Variants in TCAIM observed in about 807,000 individuals in gnomAD.
TCAIM encodes the protein T cell activation inhibitor, mitochondrial.
TCAIM carries 36 observed loss-of-function variants against 58.6 expected under a neutral mutation model. The observed-to-expected ratio is 0.61, with a 90% CI of 0.47 to 0.81. The LOEUF (loss-of-function observed/expected upper bound fraction) is 0.81. Ranked by LOEUF, TCAIM falls within the 30% of genes least tolerant of loss-of-function variation. The pLI is 0.00. For missense variants in TCAIM, 466 were observed against 579.6 expected (o/e 0.80, Z 2.01); for synonymous variants, 172 against 193.6 (o/e 0.89, Z 0.93).
intron 5 of TCAIM, among the ~76,000 whole-genome samples, chr3:44,381,742 C>A (rs1405375675): frequency 6.6e-6 from 1 of 152,096 alleles, no homozygotes; most frequent in African/African-American, 2.4e-5. Flanking sequence ...TCTGCAGATT[C>A]CACTGAAGAA....
intron 1 of TCAIM, among the ~76,000 whole-genome samples, chr3:44,354,304 G>T (rs1437911264): frequency 6.6e-6 from 1 of 152,146 alleles, no homozygotes; most frequent in Non-Finnish European, 1.5e-5. Flanking sequence ...GCGCTGTCTT[G>T]ACTACTGTAG....
At chr3:44,391,816 C>G (rs1214274600) in intron 5 of TCAIM, among the ~76,000 whole-genome samples, 1 of 152,180 alleles carries the variant, frequency 6.6e-6, no homozygotes, top group Admixed American at 6.5e-5. Flanking sequence ...AAGGGAGAAA[C>G]TGGAGTCCAC....
chr3:44,396,385 G>C lies in TCAIM; in HGVS notation c.696-15G>C. 2 of 1,608,726 alleles carry C rather than the reference G, an allele frequency of 1.2e-6. No homozygotes were observed. The highest frequency in any genetic ancestry group is 4.5e-5 in the East Asian group (2 of 44,836). ...GTGCCACTTGTTAACATGAGTGTGT[G>C]CTCTGTTGGCCTAGGTGGCAGAGGA... On this transcript the variant is annotated splice_polypyrimidine_tract_variant and intron_variant, in intron 6 of 10. Coordinates refer to ENST00000342649, the MANE Select transcript of TCAIM (RefSeq NM_173826.4).
chr3:44,389,933 C>T (rs376827348), intron 5 of TCAIM, among the ~76,000 whole-genome samples: 161 of 152,212 alleles, frequency 1.1e-3, no homozygotes, highest in African/African-American at 3.7e-3. Flanking sequence ...TCTTTATGCA[C>T]TAATATGATT....
intron 5 of TCAIM, among the ~76,000 whole-genome samples, chr3:44,383,067 A>G (rs1334811234): frequency 6.6e-6 from 1 of 152,212 alleles, no homozygotes; most frequent in Non-Finnish European, 1.5e-5. Flanking sequence ...TAGAATGGCT[A>G]CTATCCAAAA....
chr3:44,371,859 A>G (rs1441430979), intron 5 of TCAIM, among the ~76,000 whole-genome samples: 1 of 152,180 alleles, frequency 6.6e-6, no homozygotes, highest in Non-Finnish European at 1.5e-5. Flanking sequence ...TCTCATTTCA[A>G]TTACAGTTGA....
intron 5 of TCAIM, among the ~76,000 whole-genome samples, chr3:44,387,599 C>T (rs979123346): frequency 9.2e-5 from 14 of 152,270 alleles, no homozygotes; most frequent in African/African-American, 1.9e-4. Context: ...GCAGTCAGCA[C>T]GCCTGGCTGT....
rs1701683916 is a variant in TCAIM, at chr3:44,383,367, TAAAA to T, written c.573-9486_573-9483del. On this transcript the variant is annotated intron_variant, in intron 5 of 10. Coordinates refer to ENST00000342649, the MANE Select transcript of TCAIM (RefSeq NM_173826.4). Reference sequence around the variant, plus strand: ...TACTCCTACAGTGGAATGTTAGCCTTAAAAAGGAAGGAATTCTGACACAGGCTAC... The same window carrying T: ...TACTCCTACAGTGGAATGTTAGCCTTAGGAAGGAATTCTGACACAGGCTAC... Among the ~76,000 whole-genome samples, 15 of 152,172 alleles carry T rather than the reference TAAAA, an allele frequency of 9.9e-5. No homozygotes were observed. The South Asian group carries it at 2.9e-3, about 30-fold the overall frequency.
intron 10 of TCAIM, among the ~76,000 whole-genome samples, chr3:44,403,767 A>AC (rs1702058069): frequency 6.6e-6 from 1 of 151,934 alleles, no homozygotes; most frequent in African/African-American, 2.4e-5. Flanking sequence ...CTCACTCCCT[A>AC]CCCCAGTCCA....
intron 4 of TCAIM, among the ~76,000 whole-genome samples, chr3:44,365,757 G>T (rs571107299): frequency 6.6e-6 from 1 of 152,204 alleles, no homozygotes; most frequent in African/African-American, 2.4e-5. Flanking sequence ...CTAGCCCCGC[G>T]TGCTTATTGA....
chr3:44,406,470 C>T (rs1702102011), intron 10 of TCAIM, among the ~76,000 whole-genome samples: 1 of 37,882 alleles, frequency 2.6e-5, no homozygotes, highest in Non-Finnish European at 6.9e-5. Context: ...CTGCTTGAAT[C>T]TCTAAGCAGC....
intron 1 of TCAIM, chr3:44,340,285 C>G (rs779972246): frequency 9.9e-5 from 15 of 152,180 alleles, no homozygotes; most frequent in Non-Finnish European, 2.9e-5. Flanking sequence ...AGTAAATTTA[C>G]AGATTGACAT....
At chr3:44,350,234 A>G (rs1238125044) in intron 1 of TCAIM, among the ~76,000 whole-genome samples, 1 of 152,120 alleles carries the variant, frequency 6.6e-6, no homozygotes, top group Non-Finnish European at 1.5e-5. Context: ...GAGGGTCACA[A>G]GGTGCTCAGT....
rs896990253 is a variant in TCAIM, at chr3:44,391,904, C to G, written c.573-951C>G. On this transcript the variant is annotated intron_variant, in intron 5 of 10. Coordinates refer to ENST00000342649, the MANE Select transcript of TCAIM (RefSeq NM_173826.4). Reference sequence around the variant, plus strand: ...GCCTCTTAATTGTCACTAGTCCCATCAGATATGTCTGTTGAGTTTGACTTT... The same window carrying G: ...GCCTCTTAATTGTCACTAGTCCCATGAGATATGTCTGTTGAGTTTGACTTT... Among the ~76,000 whole-genome samples, 13 of 152,320 alleles carry G rather than the reference C, an allele frequency of 8.5e-5. No homozygotes were observed. The East Asian group carries it at 2.5e-3, about 29-fold the overall frequency.
chr3:44,346,736 G>C (rs1262028486), intron 1 of TCAIM, among the ~76,000 whole-genome samples: 1 of 152,150 alleles, frequency 6.6e-6, no homozygotes, highest in South Asian at 2.1e-4. Flanking sequence ...AGCAGCTGCC[G>C]CGTGCAGACA....
intron 5 of TCAIM, among the ~76,000 whole-genome samples, chr3:44,369,155 T>C (rs1701424864): frequency 6.6e-6 from 1 of 152,212 alleles, no homozygotes; most frequent in African/African-American, 2.4e-5. Flanking sequence ...AGAATTGAAG[T>C]AGATTTCTCT....
chr3:44,406,810 CTG>C (rs1702108734), intron 10 of TCAIM, among the ~76,000 whole-genome samples: 1 of 152,194 alleles, frequency 6.6e-6, no homozygotes, highest in Non-Finnish European at 1.5e-5. Context: ...TATCAAAACA[CTG>C]TATCCCTAAG....
At chr3:44,394,098 T>A (rs1213305907) in intron 6 of TCAIM, among the ~76,000 whole-genome samples, 1 of 150,040 alleles carries the variant, frequency 6.7e-6, no homozygotes, top group Non-Finnish European at 1.5e-5. Context: ...TTTTCAATTC[T>A]CATTATTAGG....
At chr3:44,339,410 T>G (rs1700807788) in intron 1 of TCAIM, among the ~76,000 whole-genome samples, 2 of 152,218 alleles carry the variant, frequency 1.3e-5, no homozygotes, top group Admixed American at 6.5e-5. Flanking sequence ...GAGCTCTATT[T>G]GGCACACACT....
Sources: allele counts gnomAD v4.1 joint callset (sites outside exome capture counted in the v4.1 genomes callset), GRCh38; gene constraint gnomAD v4.1.1; transcripts MANE v1.5; gene names NCBI Gene and HGNC (gene_info 2026-07-23, HGNC 2026-07-21).